The following FSHR variants were observed in gnomAD, a reference collection of about 807,000 sequenced individuals.
FSHR encodes follicle-stimulating hormone receptor.
A neutral mutation model predicts 52.1 loss-of-function variants in FSHR; 46 were observed. The observed-to-expected ratio is 0.88, with a 90% CI of 0.70 to 1.13. The LOEUF (loss-of-function observed/expected upper bound fraction) is 1.13. Among genes scored for constraint, FSHR ranks in the 50% most tolerant of loss-of-function variants. The pLI is 0.00. For synonymous variants in FSHR, 399 were observed against 309.6 expected (o/e 1.29, Z -3.03); for missense variants, 964 against 834.6 (o/e 1.16, Z -1.91).
chr2:49,016,336 C>A (rs1316374067), intron 4 of FSHR, among the ~76,000 whole-genome samples: 2 of 152,166 alleles, frequency 1.3e-5, no homozygotes, highest in South Asian at 4.1e-4. Context: ...GAAGTAGCAT[C>A]TTCACCTTTT....
In FSHR at chr2:49,060,739, G is replaced by C. The variant is rs1669256206; in HGVS notation, c.224+7480C>G. The stretch of plus-strand genomic sequence containing the variant: ...ATACCTCTAGTACCTTGCTTCCCTG[G>C]AGCCGGACTAGTTCCCTATTCTGGG... On this transcript the variant is annotated intron_variant, in intron 2 of 9. Coordinates refer to ENST00000406846, the MANE Select transcript of FSHR (RefSeq NM_000145.4). Among the ~76,000 whole-genome samples the C allele has an allele frequency of 2.0e-5, 3 of 152,096 alleles. No homozygotes were observed. The South Asian group carries it at 6.2e-4, about 32-fold the overall frequency.
chr2:49,000,371 T>C (rs1432954024), intron 4 of FSHR, among the ~76,000 whole-genome samples: 1 of 152,142 alleles, frequency 6.6e-6, no homozygotes, highest in East Asian at 1.9e-4. Context: ...AAAATAGGCC[T>C]GACTTGAATG....
intron 9 of FSHR, among the ~76,000 whole-genome samples, chr2:48,966,828 A>C (rs1351984293): frequency 6.6e-6 from 1 of 152,224 alleles, no homozygotes; most frequent in Non-Finnish European, 1.5e-5. Flanking sequence ...TAGTGTAAGA[A>C]CCATGTTCCT....
intron 2 of FSHR, chr2:49,059,482 A>G (rs554090330): frequency 2.6e-5 from 4 of 152,434 alleles, no homozygotes; most frequent in African/African-American, 7.2e-5. Flanking sequence ...GCACGTATCT[A>G]TAGCCAACTG....
intron 1 of FSHR, among the ~76,000 whole-genome samples, chr2:49,082,224 C>T (rs1420199157): frequency 6.6e-6 from 1 of 152,162 alleles, no homozygotes; most frequent in African/African-American, 2.4e-5. Context: ...AGGCACCCCC[C>T]AGCAGGGGCA....
chr2:49,073,719 A>G (rs761332554), intron 1 of FSHR, among the ~76,000 whole-genome samples: 52 of 152,106 alleles, frequency 3.4e-4, no homozygotes, highest in Admixed American at 2.0e-4. Flanking sequence ...CACAAAAGAT[A>G]CTGAATAACC....
chr2:49,002,261 T>A (rs949078045), intron 4 of FSHR, among the ~76,000 whole-genome samples: 5 of 152,156 alleles, frequency 3.3e-5, no homozygotes, highest in African/African-American at 9.7e-5. Flanking sequence ...CATTTCTTCA[T>A]TGCTTTTAAC....
chr2:49,115,767 T>G (rs891806541), intron 1 of FSHR, among the ~76,000 whole-genome samples: 2 of 152,170 alleles, frequency 1.3e-5, no homozygotes, highest in Non-Finnish European at 2.9e-5. Flanking sequence ...TGCTGACTGA[T>G]GAAGGTCCAG....
intron 8 of FSHR, 100 bp downstream of exon 8, chr2:48,982,812 G>T: frequency 9.6e-7 from 1 of 1,037,162 alleles, no homozygotes; most frequent in Non-Finnish European, 1.5e-6. Context: ...GAACTTGATG[G>T]CCAGCCCTGT....
intron 2 of FSHR, among the ~76,000 whole-genome samples, chr2:49,060,610 G>T (rs1254313595): frequency 3.3e-5 from 5 of 152,142 alleles, no homozygotes; most frequent in Non-Finnish European, 4.4e-5. Flanking sequence ...CAATGCCCTG[G>T]CCAAGCTGAA....
chr2:48,962,379 G>A lies in FSHR; in HGVS notation c.*354C>T, dbSNP rs183551122. 2.3e-5 allele frequency: 6 copies of A among 264,970 alleles called. No homozygotes were observed. The highest frequency in any genetic ancestry group is 4.5e-5 in the South Asian group (1 of 22,440). 16.4% of individuals were successfully genotyped at this position (264,970 alleles called of 1,614,324 possible). ...AACAAGTCACTTAACTCTTTGAGTC[G>A]TGGTTTCCTCATTTGTAAAACTCCA... On this transcript the variant is annotated 3_prime_UTR_variant, in exon 10 of 10. Coordinates refer to ENST00000406846, the MANE Select transcript of FSHR (RefSeq NM_000145.4).
intron 8 of FSHR, among the ~76,000 whole-genome samples, 168 bp downstream of exon 8, chr2:48,982,744 C>A (rs1383604274): frequency 6.6e-6 from 1 of 152,138 alleles, no homozygotes; most frequent in African/African-American, 2.4e-5. Flanking sequence ...GAGAGTTAGA[C>A]CGTGGATAAG....
intron 1 of FSHR, among the ~76,000 whole-genome samples, chr2:49,134,360 A>G (rs1376720195): frequency 1.3e-5 from 2 of 152,226 alleles, no homozygotes; most frequent in African/African-American, 2.4e-5. Flanking sequence ...CGAAACCACA[A>G]TGAGATACCA....
rs1667156422 is a variant in FSHR at position 49,008,668 on chromosome 2, C to T, written c.374+8821G>A. 4.2e-5 allele frequency among the ~76,000 whole-genome samples: 6 copies of T among 141,646 alleles called. No homozygotes were observed. In the South Asian group the frequency reaches 1.5e-3, roughly 35 times the overall value. 92.9% of individuals were successfully genotyped at this position (141,646 alleles called of 152,430 possible). ...ACAGTGTAAAAGTGTTCCTATTTCTCCACATCCTCTCCAGCACCTGTTGTT... is the reference window on the plus strand; with the variant it reads ...ACAGTGTAAAAGTGTTCCTATTTCTTCACATCCTCTCCAGCACCTGTTGTT... On this transcript the variant is annotated intron_variant, in intron 4 of 9. Transcript: ENST00000406846.
intron 1 of FSHR, among the ~76,000 whole-genome samples, chr2:49,115,465 T>C (rs982565763): frequency 1.3e-5 from 2 of 152,046 alleles, no homozygotes; most frequent in Admixed American, 6.6e-5. Context: ...CGTAAACCAA[T>C]AGTTGTTAAT....
At position 49,136,910 on chromosome 2, in the gene FSHR, G is replaced by A. The variant is rs184983886; in HGVS notation, c.152+17356C>T. On this transcript the variant is annotated intron_variant, in intron 1 of 9. Coordinates refer to ENST00000406846, the MANE Select transcript of FSHR (RefSeq NM_000145.4). Reference sequence around the variant, plus strand: ...GAAAAAACCACCACTAACATCACACGTATTGGTGAGAGACTGGATGATTTT... The same window carrying A: ...GAAAAAACCACCACTAACATCACACATATTGGTGAGAGACTGGATGATTTT... Among the ~76,000 whole-genome samples the A allele has an allele frequency of 7.2e-5, 11 of 152,188 alleles. No individual in the cohort carries two copies. The East Asian group carries it at 1.9e-3, about 27-fold the overall frequency.
intron 8 of FSHR, among the ~76,000 whole-genome samples, chr2:48,972,843 G>A (rs918493491): frequency 1.6e-4 from 24 of 152,096 alleles, no homozygotes; most frequent in African/African-American, 5.8e-4. Context: ...TCTTGATTAT[G>A]TCTCCCCCTT....
intron 2 of FSHR, among the ~76,000 whole-genome samples, chr2:49,038,635 T>A (rs200708674): frequency 0.04 from 1,678 of 42,324 alleles, 246 homozygotes; most frequent in African/African-American, 0.071. Flanking sequence ...AAAATAATAA[T>A]AATAATAATA....
chr2:49,145,781 A>G (rs2103849176), intron 1 of FSHR, among the ~76,000 whole-genome samples: 1 of 152,166 alleles, frequency 6.6e-6, no homozygotes, highest in South Asian at 2.1e-4. Context: ...CTAATATAGA[A>G]CCTTGAACAT....
Sources: allele counts gnomAD v4.1 joint callset (sites outside exome capture counted in the v4.1 genomes callset), GRCh38; gene constraint gnomAD v4.1.1; transcripts MANE v1.5; gene names NCBI Gene and HGNC (gene_info 2026-07-23, HGNC 2026-07-21).